The following TNR variants were observed in gnomAD, a reference collection of about 807,000 sequenced individuals.
TNR encodes the protein tenascin-R.
TNR carries 45 observed loss-of-function variants against 150.4 expected under a neutral mutation model. That is an observed-to-expected ratio of 0.30 (90% CI 0.24 to 0.38). TNR has a LOEUF of 0.38. Among genes scored for constraint, TNR ranks in the 10% least tolerant of loss-of-function variants. TNR has a pLI of 1.00. For synonymous variants in TNR, 687 were observed against 678.4 expected (o/e 1.01, Z -0.20); for missense variants, 1,544 against 1,759.1 (o/e 0.88, Z 2.19).
intron 9 of TNR, among the ~76,000 whole-genome samples, chr1:175,375,877 A>G (rs147394727): frequency 2.0e-5 from 3 of 152,340 alleles, no homozygotes; most frequent in African/African-American, 7.2e-5. Flanking sequence ...GAATAGGGAT[A>G]TATGTATGAT....
At chr1:175,495,398 T>A (rs1397004112) in intron 2 of TNR, among the ~76,000 whole-genome samples, 1 of 152,160 alleles carries the variant, frequency 6.6e-6, no homozygotes, top group Non-Finnish European at 1.5e-5. Flanking sequence ...CATGGAATGT[T>A]TGTTGAATGA....
In TNR at chr1:175,393,841, T is replaced by C. The variant is rs752880296; in HGVS notation, c.1295A>G (p.Glu432Gly). 6.2e-7 allele frequency: 1 copy of C among 1,614,200 alleles called. No individual in the cohort carries two copies. The change falls in exon 6 of 23, where the codon GAG (glutamate) becomes GGG (glycine). Residue 432 changes from glutamate to glycine, a missense_variant. This residue lies in a region of TNR where 1,254 missense variants were observed against 1,329.4 expected (regional missense o/e 0.94). Coordinates refer to ENST00000367674, the MANE Select transcript of TNR (RefSeq NM_003285.3). ...QFKTITETTV[E>G]VQWEPFSFSF... ...AAATGAGAAGGGCTCCCACTGCACC[T>C]CCACGGTGGTCTCTGTGATCGTCTT... is the stretch of plus-strand genomic sequence containing the variant.
intron 1 of TNR, among the ~76,000 whole-genome samples, chr1:175,736,557 C>T (rs1667778225): frequency 2.0e-5 from 3 of 151,568 alleles, no homozygotes; most frequent in Non-Finnish European, 2.9e-5. Flanking sequence ...ATAGGCTTTT[C>T]GGGGGTGAGG....
intron 2 of TNR, among the ~76,000 whole-genome samples, chr1:175,501,974 G>A (rs1016914552): frequency 6.6e-6 from 1 of 152,134 alleles, no homozygotes; most frequent in Non-Finnish European, 1.5e-5. Flanking sequence ...AAGAATACAG[G>A]GTACCAGGGA....
intron 1 of TNR, among the ~76,000 whole-genome samples, chr1:175,604,252 T>C (rs766447609): frequency 6.6e-6 from 1 of 152,156 alleles, no homozygotes; most frequent in African/African-American, 2.4e-5. Context: ...CGGAGATGGA[T>C]GGCCCCTCAG....
chr1:175,678,791 G>A (rs1195711553), intron 1 of TNR, among the ~76,000 whole-genome samples: 2 of 152,238 alleles, frequency 1.3e-5, no homozygotes, highest in African/African-American at 4.8e-5. Context: ...TGGTCAGGGA[G>A]GAGAGATAGA....
chr1:175,487,031 T>A (rs1658046604), intron 2 of TNR, among the ~76,000 whole-genome samples: 1 of 152,262 alleles, frequency 6.6e-6, no homozygotes, highest in South Asian at 2.1e-4. Flanking sequence ...TAGCCCTTTG[T>A]CAGATGGGTA....
At chr1:175,406,837 C>T in intron 2 of TNR, 60 bp from the exon 3 acceptor site, 1 of 1,301,644 alleles carries the variant, frequency 7.7e-7, no homozygotes, top group Non-Finnish European at 1.1e-6. Flanking sequence ...CACCATGGCT[C>T]TGCACAAGCC....
At chr1:175,658,612 A>C (rs1026935455) in intron 1 of TNR, among the ~76,000 whole-genome samples, 1 of 152,232 alleles carries the variant, frequency 6.6e-6, no homozygotes, top group Non-Finnish European at 1.5e-5. Context: ...GAACATTTTC[A>C]GAGCTAATGC....
chr1:175,362,754 G>A lies in TNR; in HGVS notation c.2763C>T (p.Thr921=). ...CGTATTCGGTAGCTGGGTTCAGTCT[G>A]GTGATGGTGAATTCTGTCACAGTGT... ...VPNTVTEFTI[T]RLNPATEYEI... Residue 921 remains threonine, a synonymous_variant, in exon 14 of 23, where the codon ACC becomes ACT. Transcript: ENST00000367674. 6.2e-7 allele frequency: 1 copy of A among 1,614,142 alleles called. No individual in the cohort carries two copies. Among genetic ancestry groups the A allele is most frequent in the African/African-American group, 1.3e-5 (1 of 75,044 alleles).
intron 18 of TNR, among the ~76,000 whole-genome samples, chr1:175,346,498 G>A (rs1650790975): frequency 6.6e-6 from 1 of 151,948 alleles, no homozygotes; most frequent in Non-Finnish European, 1.5e-5. Flanking sequence ...CTAAAGTCTG[G>A]TTCTTTGAAA....
intron 2 of TNR, among the ~76,000 whole-genome samples, chr1:175,483,327 GA>G (rs1208696537): frequency 1.3e-5 from 2 of 152,206 alleles, no homozygotes; most frequent in Non-Finnish European, 2.9e-5. Context: ...TTCAGGAGCA[GA>G]AGGAGAGGAC....
At chr1:175,650,948 TCTCATTACTCCCCCCCAC>T (rs1462455997) in intron 1 of TNR, among the ~76,000 whole-genome samples, 1 of 5,182 alleles carries the variant, frequency 1.9e-4, no homozygotes. Flanking sequence ...CCCCTCCCCA[TCTCATTACTCCCCCCCAC>T]CTCATTACTA....
chr1:175,532,752 C>T (rs74318906), intron 1 of TNR, among the ~76,000 whole-genome samples: 1,537 of 152,240 alleles, frequency 0.01, 35 homozygotes, highest in African/African-American at 0.035. Flanking sequence ...AGAGGATCTG[C>T]TTCCAAGATG....
intron 1 of TNR, among the ~76,000 whole-genome samples, chr1:175,626,712 T>A (rs998155747): frequency 1.3e-5 from 2 of 152,232 alleles, no homozygotes; most frequent in Admixed American, 6.5e-5. Flanking sequence ...TTGTGGTAGA[T>A]TCAATGCTGG....
At chr1:175,654,321 A>G (rs1422852552) in intron 1 of TNR, among the ~76,000 whole-genome samples, 2 of 152,350 alleles carry the variant, frequency 1.3e-5, no homozygotes, top group East Asian at 1.9e-4. Flanking sequence ...TTAAAGTAGT[A>G]CTTGTCATAG....
chr1:175,689,377 T>C (rs1332741700), intron 1 of TNR, among the ~76,000 whole-genome samples: 1 of 151,568 alleles, frequency 6.6e-6, no homozygotes, highest in South Asian at 2.1e-4. Flanking sequence ...CAGGTTTTTT[T>C]CCCCATTGTT....
At chr1:175,375,571 G>A (rs1265936091) in intron 9 of TNR, among the ~76,000 whole-genome samples, 1 of 152,112 alleles carries the variant, frequency 6.6e-6, no homozygotes, top group African/African-American at 2.4e-5. Flanking sequence ...GGTACTTGCT[G>A]CCAGCCAGCT....
At chr1:175,614,869 G>T (rs1663719961) in intron 1 of TNR, among the ~76,000 whole-genome samples, 1 of 152,218 alleles carries the variant, frequency 6.6e-6, no homozygotes, top group African/African-American at 2.4e-5. Flanking sequence ...GTGACCGGCT[G>T]TTCAATGGCA....
Sources: gnomAD v4.1 joint callset for allele counts (sites outside exome capture counted in the v4.1 genomes callset) on GRCh38, gnomAD v4.1.1 for gene constraint, gnomAD v4.1.1 regional missense constraint, MANE v1.5 for transcripts, NCBI Gene and HGNC (gene_info 2026-07-23, HGNC 2026-07-21) for gene names.